FMN2: variants seen among roughly 807,000 people sequenced by gnomAD.
The protein encoded by FMN2 is formin-2.
FMN2 carries 51 observed loss-of-function variants against 142.3 expected under a neutral mutation model. The ratio of observed to expected loss-of-function variants is 0.36; its 90% CI spans 0.29 to 0.45. FMN2 has a LOEUF of 0.45. FMN2 is among the 20% of genes least tolerant of loss of function. The pLI is 1.00. For missense variants in FMN2, 1,936 were observed against 2,122.8 expected, an observed-to-expected ratio of 0.91 and a Z score of 1.73; for synonymous variants, 882 against 869.8, an observed-to-expected ratio of 1.01 and a Z score of -0.25.
At chr1:240,276,436 G>A (rs1669215652) in intron 7 of FMN2, among the ~76,000 whole-genome samples, 1 of 152,102 alleles carries the variant, frequency 6.6e-6, no homozygotes, top group Non-Finnish European at 1.5e-5. Flanking sequence ...TTGAGGAGAA[G>A]CTTCATGTGT....
At chr1:240,178,113 T>C (rs1199090658) in intron 3 of FMN2, 45 bp downstream of exon 3, 11 of 1,463,026 alleles carry the variant, frequency 7.5e-6, no homozygotes, top group Non-Finnish European at 9.9e-6. Context: ...AGAGGCAAGA[T>C]AGAGAGAGAG....
chr1:240,450,199 A>AT (rs1675963220), intron 16 of FMN2, among the ~76,000 whole-genome samples: 1 of 152,184 alleles, frequency 6.6e-6, no homozygotes, highest in Non-Finnish European at 1.5e-5. Flanking sequence ...TACAGCTAAT[A>AT]TAATTCCTAA....
intron 1 of FMN2, among the ~76,000 whole-genome samples, chr1:240,122,200 GTC>G (rs1662307823): frequency 1.3e-5 from 2 of 151,976 alleles, no homozygotes; most frequent in South Asian, 4.1e-4. Flanking sequence ...CGATTCTCCT[GTC>G]TCAGCCTCCT....
At chr1:240,154,009 C>G (rs1824113) in intron 2 of FMN2, among the ~76,000 whole-genome samples, 68,184 of 150,028 alleles carry the variant, frequency 0.45, 16,830 homozygotes, top group South Asian at 0.65. Flanking sequence ...ACAGCTACTC[C>G]GGAGGCAGGA....
chr1:240,126,474 A>G (rs1279681450), intron 2 of FMN2, among the ~76,000 whole-genome samples: 2 of 150,342 alleles, frequency 1.3e-5, no homozygotes, highest in Non-Finnish European at 2.9e-5. Flanking sequence ...AAAGATCTTC[A>G]GTTTGGGGCT....
At chr1:240,390,302 T>C (rs577539987) in intron 14 of FMN2, among the ~76,000 whole-genome samples, 1 of 152,344 alleles carries the variant, frequency 6.6e-6, no homozygotes, top group African/African-American at 2.4e-5. Context: ...GTCTTTATGA[T>C]TGTGATATGG....
At chr1:240,149,878 A>T (rs1373326430) in intron 2 of FMN2, among the ~76,000 whole-genome samples, 1 of 152,236 alleles carries the variant, frequency 6.6e-6, no homozygotes, top group Non-Finnish European at 1.5e-5. Context: ...CGAAAGCTTT[A>T]TAGATTTTTC....
chr1:240,219,879 G>C (rs550528697), intron 6 of FMN2, among the ~76,000 whole-genome samples: 1 of 152,190 alleles, frequency 6.6e-6, no homozygotes, highest in Non-Finnish European at 1.5e-5. Flanking sequence ...TGCTGGTCTT[G>C]TACTCCTGGG....
At chr1:240,174,908 T>C (rs1664855521) in intron 2 of FMN2, among the ~76,000 whole-genome samples, 1 of 152,226 alleles carries the variant, frequency 6.6e-6, no homozygotes, top group African/African-American at 2.4e-5. Context: ...ATTCACATTG[T>C]TGTGCAATCA....
At chr1:240,113,409 CA>C (rs1161220044) in intron 1 of FMN2, among the ~76,000 whole-genome samples, 2 of 151,696 alleles carry the variant, frequency 1.3e-5, no homozygotes, top group East Asian at 3.9e-4. Context: ...ACTAAAAATA[CA>C]AAAATTGGCC....
intron 16 of FMN2, among the ~76,000 whole-genome samples, chr1:240,454,522 A>G (rs540834930): frequency 1.3e-5 from 2 of 152,210 alleles, no homozygotes; most frequent in South Asian, 4.1e-4. Context: ...AGCCTCGGTG[A>G]TGGAGTGAGA....
chr1:240,417,616 A>G (rs1367127357), intron 15 of FMN2, among the ~76,000 whole-genome samples: 1 of 151,518 alleles, frequency 6.6e-6, no homozygotes, highest in Non-Finnish European at 1.5e-5. Flanking sequence ...TTTCTTTCTC[A>G]TTTTCTTTTA....
chr1:240,338,299 T>C (rs1572208520), intron 13 of FMN2, among the ~76,000 whole-genome samples: 1 of 152,302 alleles, frequency 6.6e-6, no homozygotes, highest in East Asian at 1.9e-4. Context: ...CAAACTAGTT[T>C]AGGGTTTATT....
At chr1:240,359,161 G>A (rs753294452) in intron 14 of FMN2, among the ~76,000 whole-genome samples, 3 of 152,058 alleles carry the variant, frequency 2.0e-5, no homozygotes, top group Non-Finnish European at 4.4e-5. Context: ...TAAGAAGATA[G>A]CCAATTCCTT....
chr1:240,192,771 C>T (rs1665754975), intron 4 of FMN2, among the ~76,000 whole-genome samples: 1 of 151,924 alleles, frequency 6.6e-6, no homozygotes, highest in Non-Finnish European at 1.5e-5. Context: ...ACCCTTAGGG[C>T]AGTGCTGACA....
At chr1:240,320,405 G>C (rs1056091927) in intron 8 of FMN2, among the ~76,000 whole-genome samples, 6 of 152,126 alleles carry the variant, frequency 3.9e-5, no homozygotes, top group Non-Finnish European at 8.8e-5. Context: ...ACAATGGCTC[G>C]TGTTTGTTCC....
intron 2 of FMN2, among the ~76,000 whole-genome samples, chr1:240,159,670 C>A (rs1351902986): frequency 1.3e-5 from 2 of 151,932 alleles, no homozygotes; most frequent in African/African-American, 4.8e-5. Flanking sequence ...GTGGGGAGAA[C>A]CTATTCTATT....
At chr1:240,323,169 T>TTC (rs368277071) in intron 8 of FMN2, among the ~76,000 whole-genome samples, 1,575 of 150,976 alleles carry the variant, frequency 0.01, 31 homozygotes, top group African/African-American at 0.035. Flanking sequence ...CTTTCTCTCT[T>TTC]TCTCTCTCTT....
At chr1:240,253,064 T>A (rs927610647) in intron 6 of FMN2, among the ~76,000 whole-genome samples, 1 of 149,666 alleles carries the variant, frequency 6.7e-6, no homozygotes, top group African/African-American at 2.5e-5. Flanking sequence ...GCGATTCTCC[T>A]GCGTCAGCCT....
Sources: allele counts gnomAD v4.1 joint callset (sites outside exome capture counted in the v4.1 genomes callset), GRCh38; gene constraint gnomAD v4.1.1; transcripts MANE v1.5; gene names NCBI Gene and HGNC (gene_info 2026-07-23, HGNC 2026-07-21).